The following SLC35F4 variants were observed in gnomAD, a reference collection of about 807,000 sequenced individuals.
The protein encoded by SLC35F4 is solute carrier family 35 member F4, also known as chromosome 14 open reading frame 36.
A neutral mutation model predicts 44.2 loss-of-function variants in SLC35F4; 24 were observed. The observed-to-expected ratio is 0.54, with a 90% CI of 0.39 to 0.76. The LOEUF (loss-of-function observed/expected upper bound fraction) is 0.76. SLC35F4 is among the 30% of genes least tolerant of loss of function. SLC35F4 has a pLI of 0.00. For missense variants in SLC35F4, 562 were observed against 586.1 expected, an observed-to-expected ratio of 0.96 and a Z score of 0.42; for synonymous variants, 238 against 223.6, an observed-to-expected ratio of 1.06 and a Z score of -0.57.
intron 1 of SLC35F4, among the ~76,000 whole-genome samples, chr14:57,827,132 G>C (rs1335566855): frequency 6.6e-6 from 1 of 152,074 alleles, no homozygotes; most frequent in Non-Finnish European, 1.5e-5. Flanking sequence ...TAATAGACTG[G>C]ATAAAGAAAA....
intron 1 of SLC35F4, among the ~76,000 whole-genome samples, chr14:57,747,929 C>T (rs2076797547): frequency 1.3e-5 from 2 of 152,166 alleles, no homozygotes. Context: ...GCTTCAAGAA[C>T]AAAAGTCTAT....
intron 4 of SLC35F4, among the ~76,000 whole-genome samples, chr14:57,572,928 A>C (rs2139716962): frequency 6.6e-6 from 1 of 152,344 alleles, no homozygotes; most frequent in East Asian, 1.9e-4. Context: ...TTCCTTGTGA[A>C]ATGGTTTCAC....
intron 1 of SLC35F4, among the ~76,000 whole-genome samples, chr14:57,842,458 G>A (rs1885579930): frequency 6.6e-6 from 1 of 152,110 alleles, no homozygotes; most frequent in African/African-American, 2.4e-5. Flanking sequence ...TTCAATGATG[G>A]GACGCCTTGC....
downstream of SLC35F4, among the ~76,000 whole-genome samples, chr14:57,974,324 G>C (rs1328782903): frequency 6.6e-6 from 1 of 152,170 alleles, no homozygotes; most frequent in Non-Finnish European, 1.5e-5. Flanking sequence ...CCAGATGAAA[G>C]CTGCAAGCCT....
intron 1 of SLC35F4, among the ~76,000 whole-genome samples, chr14:57,938,403 G>A (rs1313584025): frequency 1.3e-5 from 2 of 152,198 alleles, no homozygotes; most frequent in Non-Finnish European, 2.9e-5. Flanking sequence ...GGTTCAGGGA[G>A]TCAGACAGAC....
At chr14:57,634,605 G>A (rs1317925976) in intron 1 of SLC35F4, among the ~76,000 whole-genome samples, 1 of 152,098 alleles carries the variant, frequency 6.6e-6, no homozygotes, top group African/African-American at 2.4e-5. Flanking sequence ...TCACAGGTGA[G>A]ATAAACCTGT....
At chr14:57,764,687 A>G (rs2077196689) in intron 1 of SLC35F4, among the ~76,000 whole-genome samples, 1 of 152,216 alleles carries the variant, frequency 6.6e-6, no homozygotes, top group Admixed American at 6.5e-5. Flanking sequence ...GAAAATGTAA[A>G]TACTGAATTG....
At chr14:57,697,819 A>T (rs1212230716) in intron 1 of SLC35F4, among the ~76,000 whole-genome samples, 1 of 152,210 alleles carries the variant, frequency 6.6e-6, no homozygotes, top group Non-Finnish European at 1.5e-5. Context: ...TCCTATACAG[A>T]CATACATGTG....
intron 1 of SLC35F4, among the ~76,000 whole-genome samples, chr14:57,646,163 T>A (rs1463106579): frequency 6.6e-6 from 1 of 152,172 alleles, no homozygotes; most frequent in South Asian, 2.1e-4. Context: ...GGATTCCCTC[T>A]TTTTCTATTG....
intron 1 of SLC35F4, among the ~76,000 whole-genome samples, chr14:57,757,675 C>A (rs2077025796): frequency 6.6e-6 from 1 of 152,008 alleles, no homozygotes; most frequent in Non-Finnish European, 1.5e-5. Flanking sequence ...TATTTTCTCC[C>A]AGACTTTATG....
intron 1 of SLC35F4, among the ~76,000 whole-genome samples, chr14:57,669,696 G>T (rs2074447642): frequency 6.6e-6 from 1 of 152,056 alleles, no homozygotes; most frequent in East Asian, 1.9e-4. Flanking sequence ...TGATCATGGT[G>T]GATAAGCTTT....
At chr14:57,776,906 G>A (rs540973593) in intron 1 of SLC35F4, among the ~76,000 whole-genome samples, 1 of 152,130 alleles carries the variant, frequency 6.6e-6, no homozygotes, top group African/African-American at 2.4e-5. Flanking sequence ...CAAATGCCGA[G>A]GGTCTCGTAA....
At chr14:57,767,131 T>A (rs1353067842) in intron 1 of SLC35F4, among the ~76,000 whole-genome samples, 1 of 152,018 alleles carries the variant, frequency 6.6e-6, no homozygotes, top group Admixed American at 6.5e-5. Context: ...AAATCCACAG[T>A]TAGAGTTGGG....
intron 3 of SLC35F4, among the ~76,000 whole-genome samples, chr14:57,582,645 G>A (rs1164865636): frequency 2.0e-5 from 3 of 152,152 alleles, no homozygotes; most frequent in African/African-American, 7.2e-5. Context: ...CCACTCGATT[G>A]TTCATGAACA....
At chr14:57,937,755 C>G (rs1459371612) in intron 1 of SLC35F4, among the ~76,000 whole-genome samples, 1 of 152,054 alleles carries the variant, frequency 6.6e-6, no homozygotes, top group Non-Finnish European at 1.5e-5. Context: ...AGCTGGGACT[C>G]AAAGACCCAG....
At chr14:57,937,419 T>C (rs1038012867) in intron 1 of SLC35F4, among the ~76,000 whole-genome samples, 2 of 152,074 alleles carry the variant, frequency 1.3e-5, no homozygotes, top group Admixed American at 1.3e-4. Flanking sequence ...GTAGTCTCAT[T>C]GTATATAGAT....
chr14:57,804,544 T>C (rs1009217858), intron 1 of SLC35F4, among the ~76,000 whole-genome samples: 1 of 152,180 alleles, frequency 6.6e-6, no homozygotes, highest in Non-Finnish European at 1.5e-5. Flanking sequence ...TAATAAATGA[T>C]ACTGGAAGAG....
At chr14:57,786,657 A>G (rs1003941551) in intron 1 of SLC35F4, among the ~76,000 whole-genome samples, 1 of 152,178 alleles carries the variant, frequency 6.6e-6, no homozygotes, top group African/African-American at 2.4e-5. Flanking sequence ...CTAGACCCAG[A>G]AGAGAGACAA....
In SLC35F4 at chr14:57,758,001, A is replaced by ATATG. The variant is rs1555384207; in HGVS notation, c.103+107721_103+107722insCATA. Among the ~76,000 whole-genome samples the ATATG allele has an allele frequency of 3.7e-3, 480 of 129,018 alleles. 4 individuals are homozygous for ATATG. The East Asian group carries it at 0.041, about 11-fold the overall frequency. 84.6% of individuals were successfully genotyped at this position (129,018 alleles called of 152,430 possible). A position where few individuals can be genotyped will look rare whatever the true frequency, so the allele number is the denominator to read the frequency against. On this transcript the variant is annotated intron_variant, in intron 1 of 7. Coordinates refer to ENST00000556826, the MANE Select transcript of SLC35F4 (RefSeq NM_001306087.2). ...TTTCTGGGTATAGGATTATAGGTTCATGTGTGTGTGTGTGTGTGTGTGTGT... is the reference window on the plus strand; with the variant it reads ...TTTCTGGGTATAGGATTATAGGTTCATATGTGTGTGTGTGTGTGTGTGTGTGTGT...
Sources: allele counts gnomAD v4.1 joint callset (sites outside exome capture counted in the v4.1 genomes callset), GRCh38; gene constraint gnomAD v4.1.1; transcripts MANE v1.5; gene names NCBI Gene and HGNC (gene_info 2026-07-23, HGNC 2026-07-21).